CACNA2D1: variants seen among roughly 807,000 people sequenced by gnomAD.
The protein encoded by CACNA2D1 is voltage-dependent calcium channel subunit alpha-2/delta-1.
CACNA2D1 carries 53 observed loss-of-function variants against 171.5 expected under a neutral mutation model. The ratio of observed to expected loss-of-function variants is 0.31; its 90% CI spans 0.25 to 0.39. CACNA2D1 has a LOEUF of 0.39. Ranked by LOEUF, CACNA2D1 falls within the 10% of genes least tolerant of loss-of-function variation. The pLI, the probability that CACNA2D1 is intolerant of heterozygous loss-of-function variation, is 1.00. For synonymous variants in CACNA2D1, 442 were observed against 443.1 expected (o/e 1.00, Z 0.03); for missense variants, 903 against 1,299.8 (o/e 0.69, Z 4.69).
At chr7:82,187,886 G>A (rs1797921227) in intron 3 of CACNA2D1, among the ~76,000 whole-genome samples, 2 of 152,138 alleles carry the variant, frequency 1.3e-5, no homozygotes, top group Admixed American at 6.5e-5. Context: ...GTGAGGGTCT[G>A]CTTTCTGGTT....
intron 3 of CACNA2D1, among the ~76,000 whole-genome samples, chr7:82,310,499 T>G (rs1221241062): frequency 6.6e-6 from 1 of 152,056 alleles, no homozygotes; most frequent in Non-Finnish European, 1.5e-5. Context: ...TTAAATAAAT[T>G]TATTAATATG....
chr7:82,239,281 C>A (rs73374326), intron 3 of CACNA2D1, among the ~76,000 whole-genome samples: 1 of 151,496 alleles, frequency 6.6e-6, no homozygotes, highest in African/African-American at 2.4e-5. Context: ...TATATGGAAC[C>A]AATACGATAA....
At chr7:82,294,883 C>T (rs1350592667) in intron 3 of CACNA2D1, among the ~76,000 whole-genome samples, 1 of 151,876 alleles carries the variant, frequency 6.6e-6, no homozygotes, top group Non-Finnish European at 1.5e-5. Flanking sequence ...ATGATATATC[C>T]AATTTATAAA....
At chr7:82,219,092 GTA>G (rs1471533159) in intron 3 of CACNA2D1, among the ~76,000 whole-genome samples, 1 of 151,958 alleles carries the variant, frequency 6.6e-6, no homozygotes, top group Admixed American at 6.6e-5. Flanking sequence ...TTGTACAGTG[GTA>G]TAGCCTAAGG....
At chr7:82,136,708 TAATAAA>T (rs750954093) in intron 4 of CACNA2D1, 32 bp from the exon 5 acceptor site, 20 of 1,442,468 alleles carry the variant, frequency 1.4e-5, no homozygotes, top group Non-Finnish European at 1.7e-5. Context: ...TTATTGATTT[TAATAAA>T]AACAATACTG....
chr7:82,394,925 C>T (rs1172941508), intron 1 of CACNA2D1, among the ~76,000 whole-genome samples: 1 of 148,258 alleles, frequency 6.7e-6, no homozygotes, highest in African/African-American at 2.4e-5. Context: ...TTCTCTAAAA[C>T]ACCAGCTTCA....
At chr7:82,114,508 G>T (rs950725689) in intron 6 of CACNA2D1, among the ~76,000 whole-genome samples, 6 of 152,118 alleles carry the variant, frequency 3.9e-5, no homozygotes, top group African/African-American at 1.4e-4. Context: ...ACTTTAGGAG[G>T]CCAAGGCGGG....
chr7:82,307,224 C>T (rs897516591), intron 3 of CACNA2D1, among the ~76,000 whole-genome samples: 2 of 152,110 alleles, frequency 1.3e-5, no homozygotes, highest in Non-Finnish European at 2.9e-5. Flanking sequence ...ATGGCACCAT[C>T]TCACTCACTA....
At chr7:82,308,708 T>C (rs1037836861) in intron 3 of CACNA2D1, among the ~76,000 whole-genome samples, 7 of 152,228 alleles carry the variant, frequency 4.6e-5, no homozygotes, top group Non-Finnish European at 8.8e-5. Flanking sequence ...CTTAAAAATT[T>C]CCATAACAAA....
intron 12 of CACNA2D1, among the ~76,000 whole-genome samples, chr7:82,024,794 T>G (rs2131062965): frequency 6.6e-6 from 1 of 151,868 alleles, no homozygotes; most frequent in South Asian, 2.1e-4. Flanking sequence ...ATTTTAGATT[T>G]TAATCCATTT....
intron 10 of CACNA2D1, among the ~76,000 whole-genome samples, chr7:82,042,601 T>A (rs918929127): frequency 4.6e-5 from 7 of 152,182 alleles, no homozygotes; most frequent in African/African-American, 1.7e-4. Context: ...GTTAGCCTGT[T>A]TAGATAGGAA....
chr7:82,419,532 G>A (rs111238027), intron 1 of CACNA2D1, among the ~76,000 whole-genome samples: 1,623 of 152,192 alleles, frequency 0.011, 30 homozygotes, highest in African/African-American at 0.035. Context: ...CAGATCTCCA[G>A]GAACAAGGGA....
intron 5 of CACNA2D1, among the ~76,000 whole-genome samples, chr7:82,118,200 A>G (rs1789302743): frequency 6.6e-6 from 1 of 152,152 alleles, no homozygotes; most frequent in African/African-American, 2.4e-5. Context: ...TTTTCTATCT[A>G]TTGGAACTAT....
At chr7:82,398,119 T>G (rs1825938910) in intron 1 of CACNA2D1, among the ~76,000 whole-genome samples, 1 of 152,192 alleles carries the variant, frequency 6.6e-6, no homozygotes, top group Non-Finnish European at 1.5e-5. Context: ...TTAGACTGTA[T>G]GATGCTAAGA....
At chr7:82,152,458 A>C (rs1362397265) in intron 4 of CACNA2D1, among the ~76,000 whole-genome samples, 1 of 152,146 alleles carries the variant, frequency 6.6e-6, no homozygotes, top group South Asian at 2.1e-4. Flanking sequence ...CTTTCTAGTA[A>C]AAGTATGTTC....
At chr7:82,055,820 G>C (rs1200081959) in intron 10 of CACNA2D1, among the ~76,000 whole-genome samples, 4 of 143,854 alleles carry the variant, frequency 2.8e-5, no homozygotes, top group African/African-American at 1.0e-4. Flanking sequence ...GCTAAATGAC[G>C]AGTTAATGGG....
At chr7:82,079,892 A>G (rs1174783777) in intron 7 of CACNA2D1, among the ~76,000 whole-genome samples, 3 of 151,974 alleles carry the variant, frequency 2.0e-5, no homozygotes, top group Non-Finnish European at 2.9e-5. Context: ...ATAGACCATA[A>G]TAATAACTAT....
chr7:82,223,945 C>G (rs1802061948), intron 3 of CACNA2D1, among the ~76,000 whole-genome samples: 1 of 152,156 alleles, frequency 6.6e-6, no homozygotes, highest in South Asian at 2.1e-4. Flanking sequence ...ACTACATCAC[C>G]AGCCTCCTTG....
intron 1 of CACNA2D1, among the ~76,000 whole-genome samples, chr7:82,384,767 T>C (rs1436383095): frequency 6.6e-6 from 1 of 152,166 alleles, no homozygotes; most frequent in Non-Finnish European, 1.5e-5. Context: ...ATGACAAAAA[T>C]GGCACTTTTC....
Sources: allele counts gnomAD v4.1 joint callset (sites outside exome capture counted in the v4.1 genomes callset), GRCh38; gene constraint gnomAD v4.1.1; transcripts MANE v1.5; gene names NCBI Gene and HGNC (gene_info 2026-07-23, HGNC 2026-07-21).